The following GRHL2 variants were observed in gnomAD, a reference collection of about 807,000 sequenced individuals.
The protein encoded by GRHL2 is grainyhead-like protein 2 homolog.
GRHL2 carries 21 observed loss-of-function variants against 83.8 expected under a neutral mutation model. The observed-to-expected ratio is 0.25, with a 90% CI of 0.18 to 0.36. The LOEUF is 0.36. GRHL2 is among the 10% of genes least tolerant of loss of function. GRHL2 has a pLI of 1.00. For synonymous variants in GRHL2, 280 were observed against 278.9 expected, an observed-to-expected ratio of 1.00 and a Z score of -0.04; for missense variants, 623 against 781.8, an observed-to-expected ratio of 0.80 and a Z score of 2.42.
At chr8:101,532,733 G>A (rs919705785) in intron 1 of GRHL2, among the ~76,000 whole-genome samples, 3 of 149,866 alleles carry the variant, frequency 2.0e-5, no homozygotes, top group African/African-American at 4.9e-5. Flanking sequence ...CAGCCTGGGG[G>A]ACAGAGCGAG....
At chr8:101,530,681 C>A (rs181290073) in intron 1 of GRHL2, among the ~76,000 whole-genome samples, 134 of 152,236 alleles carry the variant, frequency 8.8e-4, no homozygotes, top group Non-Finnish European at 1.6e-3. Flanking sequence ...TGCTTTCCTG[C>A]CTGATATGTA....
At chr8:101,681,124 T>G in the GRHL2 span, among the ~76,000 whole-genome samples, 2 of 149,288 alleles carry the variant, frequency 1.3e-5, no homozygotes, top group Admixed American at 6.7e-5. Flanking sequence ...TTCAAAAAAT[T>G]AATGAATCCA....
chr8:101,672,740 A>G (rs1292054151), downstream of GRHL2, among the ~76,000 whole-genome samples: 4 of 151,644 alleles, frequency 2.6e-5, no homozygotes, highest in Non-Finnish European at 5.9e-5. Flanking sequence ...CAACTCCAAG[A>G]CACATAATTG....
intron 14 of GRHL2, among the ~76,000 whole-genome samples, chr8:101,657,712 C>T (rs1392457147): frequency 4.0e-5 from 6 of 151,734 alleles, no homozygotes; most frequent in South Asian, 2.1e-4. Context: ...TGGTGGCGGG[C>T]GCCTATAGTC....
At chr8:101,655,177 C>T (rs577657470) in intron 14 of GRHL2, among the ~76,000 whole-genome samples, 2,185 of 112,098 alleles carry the variant, frequency 0.019, 56 homozygotes, top group African/African-American at 0.1. Flanking sequence ...AGCGAAACTC[C>T]AATCCTAAAA....
At chr8:101,525,130 A>G (rs1291213637) in intron 1 of GRHL2, among the ~76,000 whole-genome samples, 1 of 152,104 alleles carries the variant, frequency 6.6e-6, no homozygotes, top group Non-Finnish European at 1.5e-5. Context: ...TTTAGTAGAG[A>G]CAGGGTTTCA....
Position 101,534,316 on chromosome 8 carries a change from C to T in GRHL2, c.21-8925C>T, listed in dbSNP as rs944829943. On this transcript the variant is annotated intron_variant, in intron 1 of 15. Coordinates refer to ENST00000646743, the MANE Select transcript of GRHL2 (RefSeq NM_024915.4). ...GACTCAGACAGGAGAGTCTACTAGG[C>T]TCACTCACCTGGTTGTGGGCAGCCC... 2.0e-5 allele frequency among the ~76,000 whole-genome samples: 3 copies of T among 152,062 alleles called. No individual in the cohort carries two copies. In the South Asian group the frequency reaches 6.2e-4, roughly 32 times the overall value.
At chr8:101,657,052 A>G (rs993190114) in intron 14 of GRHL2, among the ~76,000 whole-genome samples, 9 of 151,048 alleles carry the variant, frequency 6.0e-5, no homozygotes, top group African/African-American at 2.2e-4. Context: ...CCTTAGTAGC[A>G]CCCAGTTTTT....
intron 4 of GRHL2, among the ~76,000 whole-genome samples, chr8:101,565,312 G>A (rs769210275): frequency 1.3e-5 from 2 of 152,118 alleles, no homozygotes; most frequent in Non-Finnish European, 2.9e-5. Context: ...AAATCATATA[G>A]ATATATAATC....
At chr8:101,582,844 A>AGT (rs759160140) in intron 7 of GRHL2, among the ~76,000 whole-genome samples, 3 of 151,958 alleles carry the variant, frequency 2.0e-5, no homozygotes, top group East Asian at 3.9e-4. Flanking sequence ...GAGATATTCA[A>AGT]GTGTGTGTGT....
chr8:101,612,602 T>G (rs1812775857), intron 8 of GRHL2, among the ~76,000 whole-genome samples: 3 of 150,900 alleles, frequency 2.0e-5, no homozygotes, highest in Non-Finnish European at 2.9e-5. Context: ...GATGCTCAAT[T>G]TATGATTGTT....
intron 8 of GRHL2, among the ~76,000 whole-genome samples, chr8:101,606,637 G>A (rs1191376863): frequency 6.6e-6 from 1 of 152,248 alleles, no homozygotes; most frequent in East Asian, 1.9e-4. Flanking sequence ...TGCATTTGAT[G>A]TGGCCTGGGT....
chr8:101,497,669 G>A (rs1368579389), intron 1 of GRHL2, among the ~76,000 whole-genome samples: 7 of 152,174 alleles, frequency 4.6e-5, no homozygotes, highest in Admixed American at 1.3e-4. Flanking sequence ...AGAGCACAGG[G>A]AATTTCCATC....
chr8:101,533,676 G>A (rs900806031), intron 1 of GRHL2, among the ~76,000 whole-genome samples: 3 of 152,224 alleles, frequency 2.0e-5, no homozygotes, highest in Non-Finnish European at 2.9e-5. Flanking sequence ...TCCAGCATGG[G>A]TGGAAGCAGG....
At chr8:101,558,013 C>G (rs528671013) in intron 3 of GRHL2, among the ~76,000 whole-genome samples, 1 of 152,078 alleles carries the variant, frequency 6.6e-6, no homozygotes, top group Admixed American at 6.6e-5. Flanking sequence ...TACAGGCATG[C>G]GCCACCACTC....
intron 1 of GRHL2, among the ~76,000 whole-genome samples, chr8:101,535,196 G>T (rs1382727942): frequency 6.6e-6 from 1 of 152,186 alleles, no homozygotes; most frequent in East Asian, 1.9e-4. Context: ...ACCTTTGTGT[G>T]TGTTAACATT....
intron 11 of GRHL2, among the ~76,000 whole-genome samples, chr8:101,633,508 T>C (rs527911968): frequency 8.3e-4 from 127 of 152,356 alleles, no homozygotes; most frequent in Middle Eastern, 3.4e-3. Context: ...TCTGTGTTCT[T>C]TTATTAGATT....
At chr8:101,617,468 G>C (rs1812878648) in intron 8 of GRHL2, among the ~76,000 whole-genome samples, 1 of 152,060 alleles carries the variant, frequency 6.6e-6, no homozygotes, top group Admixed American at 6.6e-5. Flanking sequence ...AACTAGATCA[G>C]GTCTAGTAGT....
rs3824091 is a variant in GRHL2 at position 101,666,989 on chromosome 8, G to T, written c.*286G>T. The T allele has an allele frequency of 6.3e-5, 33 of 522,792 alleles. No homozygotes were observed. The highest frequency in any genetic ancestry group is 4.6e-4 in the African/African-American group (24 of 52,044). The allele number at this position is 522,792 out of a possible 1,614,324, so 32.4% of individuals were successfully genotyped here. ...TTTCCTGGAGCCCAGGTCCAGGCCC[G>T]CCAGGACTCTGCAGGTCACTGCTAG... On this transcript the variant is annotated 3_prime_UTR_variant, in exon 16 of 16. Transcript: ENST00000646743.
Sources: gnomAD v4.1 joint callset for allele counts (sites outside exome capture counted in the v4.1 genomes callset) on GRCh38, gnomAD v4.1.1 for gene constraint, MANE v1.5 for transcripts, NCBI Gene and HGNC (gene_info 2026-07-23, HGNC 2026-07-21) for gene names.